MPDZ: variants seen among roughly 807,000 people sequenced by gnomAD.
MPDZ encodes multiple PDZ domain protein.
A neutral mutation model predicts 239.1 loss-of-function variants in MPDZ; 234 were observed. That is an observed-to-expected ratio of 0.98 (90% CI 0.88 to 1.09). The LOEUF is 1.09. Among genes scored for constraint, MPDZ ranks in the 50% least tolerant of loss-of-function variants. The pLI, the probability that MPDZ is intolerant of heterozygous loss-of-function variation, is 0.00. For synonymous variants in MPDZ, 1,048 were observed against 881.3 expected (o/e 1.19, Z -3.35); for missense variants, 3,175 against 2,510.0 (o/e 1.26, Z -5.66).
intron 24 of MPDZ, among the ~76,000 whole-genome samples, chr9:13,155,171 T>G (rs2133255642): frequency 6.7e-6 from 1 of 150,158 alleles, no homozygotes; most frequent in East Asian, 2.0e-4. Flanking sequence ...TGAGCCAGGA[T>G]CGTGCCACTG....
chr9:13,198,333 T>G (rs1032038986), intron 12 of MPDZ, among the ~76,000 whole-genome samples: 6 of 152,174 alleles, frequency 3.9e-5, no homozygotes, highest in African/African-American at 1.2e-4. Flanking sequence ...TTGACTTGCA[T>G]TTCTCTGATG....
chr9:13,221,712 T>A (rs955357896), intron 6 of MPDZ, among the ~76,000 whole-genome samples: 1 of 151,988 alleles, frequency 6.6e-6, no homozygotes, highest in Admixed American at 6.6e-5. Flanking sequence ...ATTATCAATA[T>A]ATCATCATAA....
At chr9:13,119,759 T>C (rs558096862) in intron 38 of MPDZ, 110 bp from the exon 39 acceptor site, 1 of 1,317,720 alleles carries the variant, frequency 7.6e-7, no homozygotes, top group South Asian at 1.3e-5. Context: ...TTTATGACTT[T>C]AAAAGTTTTG....
chr9:13,193,593 T>C (rs750006722), intron 13 of MPDZ, among the ~76,000 whole-genome samples: 5 of 152,138 alleles, frequency 3.3e-5, no homozygotes, highest in Non-Finnish European at 4.4e-5. Flanking sequence ...TTCTCTCTTG[T>C]TTCCCAAGTA....
chr9:13,195,486 T>G (rs1035548133), intron 13 of MPDZ, among the ~76,000 whole-genome samples: 1 of 152,190 alleles, frequency 6.6e-6, no homozygotes, highest in African/African-American at 2.4e-5. Context: ...CATACTATTT[T>G]ATTTTTTCTT....
At chr9:13,236,938 A>G (rs977730365) in intron 3 of MPDZ, among the ~76,000 whole-genome samples, 4 of 152,000 alleles carry the variant, frequency 2.6e-5, no homozygotes, top group African/African-American at 9.7e-5. Context: ...CTTTTTTAAT[A>G]GTATCTTTAT....
chr9:13,224,324 C>G (rs2136385476), intron 4 of MPDZ, 50 bp downstream of exon 4: 1 of 1,434,254 alleles, frequency 7.0e-7, no homozygotes, highest in East Asian at 2.3e-5. Context: ...TGATCACATT[C>G]TTAAATTACT....
intron 25 of MPDZ, among the ~76,000 whole-genome samples, 174 bp from the exon 26 acceptor site, chr9:13,147,832 G>C (rs780094337): frequency 5.3e-5 from 8 of 152,070 alleles, no homozygotes; most frequent in African/African-American, 1.9e-4. Flanking sequence ...CAGCAGACTT[G>C]TGGTCCCTTG....
chr9:13,242,488 G>A (rs939312400), intron 3 of MPDZ, among the ~76,000 whole-genome samples: 6 of 151,538 alleles, frequency 4.0e-5, no homozygotes, highest in African/African-American at 1.5e-4. Flanking sequence ...CTTGGCCACT[G>A]CATCCAGCCT....
At chr9:13,218,666 G>A (rs745766818) in intron 8 of MPDZ, among the ~76,000 whole-genome samples, 42 of 151,840 alleles carry the variant, frequency 2.8e-4, no homozygotes, top group Non-Finnish European at 5.2e-4. Flanking sequence ...AAAAGAATTT[G>A]TAGCAACTGC....
chr9:13,126,062 A>G (rs564088416), intron 34 of MPDZ, among the ~76,000 whole-genome samples: 91 of 152,200 alleles, frequency 6.0e-4, no homozygotes, highest in Non-Finnish European at 1.0e-3. Context: ...TGAGATACCA[A>G]ATAAGTATTA....
intron 3 of MPDZ, among the ~76,000 whole-genome samples, chr9:13,237,606 C>G (rs547612897): frequency 6.6e-6 from 1 of 151,210 alleles, no homozygotes; most frequent in Non-Finnish European, 1.5e-5. Flanking sequence ...TACTGAAAAT[C>G]AAACTATGAT....
intron 21 of MPDZ, among the ~76,000 whole-genome samples, chr9:13,174,831 C>A (rs2134133885): frequency 6.6e-6 from 1 of 152,268 alleles, no homozygotes; most frequent in Admixed American, 6.5e-5. Context: ...TGTTTAGCTG[C>A]TGTTGGTAGT....
chr9:13,139,220 T>C (rs1427198962), intron 28 of MPDZ, among the ~76,000 whole-genome samples: 1 of 152,242 alleles, frequency 6.6e-6, no homozygotes, highest in Non-Finnish European at 1.5e-5. Flanking sequence ...TTTTATGTTC[T>C]GTACTTCCTA....
At chr9:13,131,248 A>G (rs1392670924) in intron 32 of MPDZ, among the ~76,000 whole-genome samples, 4 of 152,162 alleles carry the variant, frequency 2.6e-5, no homozygotes, top group Non-Finnish European at 5.9e-5. Flanking sequence ...ACTCAACATC[A>G]TTTGTAACAA....
chr9:13,121,852 C>G lies in MPDZ; in HGVS notation c.5118G>C (p.Leu1706=). ...VLRQTPQRVR[L]TLYRDEAPYK... ...ATGGGGCCTCATCTCTGTAGAGTGT[C>G]AGGCGCACTCTCTGTGGCGTCTGTC... Residue 1706 remains leucine, a synonymous_variant, in exon 38 of 47, where the codon CTG becomes CTC. Coordinates refer to ENST00000319217, the MANE Select transcript of MPDZ (RefSeq NM_001378778.1). 6.2e-7 allele frequency: 1 copy of G among 1,613,800 alleles called. No homozygotes were observed.
At chr9:13,245,163 A>G (rs2137599387) in intron 3 of MPDZ, among the ~76,000 whole-genome samples, 1 of 152,048 alleles carries the variant, frequency 6.6e-6, no homozygotes, top group Non-Finnish European at 1.5e-5. Context: ...GCAGTTGGTA[A>G]ACTACATAGA....
In MPDZ at chr9:13,190,175, A is replaced by G. The variant is rs776811113; in HGVS notation, c.2093T>C (p.Ile698Thr). ...CCCTTTCTCCAGCTCTATGTGCTGAATGCCAGCCTCCCACATGGCCAAAGG... is the reference window on the plus strand; with the variant it reads ...CCCTTTCTCCAGCTCTATGTGCTGAGTGCCAGCCTCCCACATGGCCAAAGG... ...QAPLAMWEAG[I>T]QHIELEKGSK... Residue 698 changes from isoleucine to threonine, a missense_variant, in exon 16 of 47, where the codon ATT becomes ACT. Transcript: ENST00000319217. 2 of 1,613,330 alleles carry G rather than the reference A, an allele frequency of 1.2e-6. No individual in the cohort carries two copies. The highest frequency in any genetic ancestry group is 1.7e-5 in the Admixed American group (1 of 59,930).
chr9:13,207,293 A>C (rs1005750475), intron 10 of MPDZ, among the ~76,000 whole-genome samples: 19 of 152,170 alleles, frequency 1.2e-4, no homozygotes, highest in African/African-American at 2.7e-4. Context: ...TCTCTTCTAC[A>C]GAAAACTCCT....
Sources: allele counts gnomAD v4.1 joint callset (sites outside exome capture counted in the v4.1 genomes callset), GRCh38; gene constraint gnomAD v4.1.1; transcripts MANE v1.5; gene names NCBI Gene and HGNC (gene_info 2026-07-23, HGNC 2026-07-21).